HIPK2: variants seen among roughly 807,000 people sequenced by gnomAD.
The protein encoded by HIPK2 is homeodomain interacting protein kinase 2, also known as homeodomain-interacting protein kinase 2.
Under a neutral mutation model 113.7 loss-of-function variants are expected in HIPK2, and 27 were observed. The observed-to-expected ratio is 0.24, with a 90% confidence interval of 0.17 to 0.33. The LOEUF is 0.33. Among genes scored for constraint, HIPK2 ranks in the 10% least tolerant of loss-of-function variants. The probability of loss-of-function intolerance (pLI) is 1.00; values close to 1 mark genes in which losing one functional copy is unlikely to be tolerated. For synonymous variants in HIPK2, 631 were observed against 642.2 expected (o/e 0.98, Z 0.26); for missense variants, 1,257 against 1,588.0 (o/e 0.79, Z 3.54).
rs1294175263 is a variant in HIPK2, at chr7:139,604,095, C to T, written c.2241G>A (p.Gln747=). 1.2e-6 allele frequency: 2 copies of T among 1,613,940 alleles called. No individual in the cohort carries two copies. Among genetic ancestry groups the T allele is most frequent in the Admixed American group, 1.7e-5 (1 of 60,028 alleles). The change falls in exon 10 of 15, where the codon CAG becomes CAA. Residue 747 remains glutamine, a synonymous_variant. Transcript: ENST00000406875. ...TTCCTGCTTACCTCCAGTCCGCCAG[C>T]TGCTGGGTGCCTGCCATGGTCTCGG... ...VIPETMAGTQ[Q]LADWRNTHAH...
Position 139,596,699 on chromosome 7 carries a change from A to C in HIPK2, c.2717+18T>G, listed in dbSNP as rs748304530. 1.9e-6 allele frequency: 3 copies of C among 1,605,756 alleles called. No homozygotes were observed. In the African/African-American group the frequency reaches 4.0e-5, roughly 21 times the overall value. ...CCTCCCGGCTCCTTCCTGGAAGGCT[A>C]AGGTGGCACTGCCTCACCTGGTGGG... On this transcript the variant is annotated intron_variant, in intron 12 of 14. Coordinates refer to ENST00000406875, the MANE Select transcript of HIPK2 (RefSeq NM_022740.5).
rs535964584 is a variant in HIPK2, at chr7:139,621,307, G to A, written c.1620-744C>T. Among the ~76,000 whole-genome samples, 78 of 152,296 alleles carry A rather than the reference G, an allele frequency of 5.1e-4. 1 individual carries two copies. The highest frequency in any genetic ancestry group is 1.5e-3 in the African/African-American group (64 of 41,562). On this transcript the variant is annotated intron_variant, in intron 6 of 14. Transcript: ENST00000406875. ...GTTTGCCAAGGATAGGTAATCACTGGCTACCTTCGTGTATACACATACGTC... is the reference window on the plus strand; with the variant it reads ...GTTTGCCAAGGATAGGTAATCACTGACTACCTTCGTGTATACACATACGTC...
At chr7:139,762,891 A>C (rs145000088) in intron 1 of HIPK2, among the ~76,000 whole-genome samples, 4 of 152,316 alleles carry the variant, frequency 2.6e-5, no homozygotes, top group Non-Finnish European at 5.9e-5. Context: ...GAAAATTGTT[A>C]AGTGTCATGA....
chr7:139,592,322 A>C (rs1057022342), intron 12 of HIPK2, among the ~76,000 whole-genome samples: 1 of 152,256 alleles, frequency 6.6e-6, no homozygotes, highest in Non-Finnish European at 1.5e-5. Context: ...TAAGCAGAAC[A>C]ACCCACCTAC....
At chr7:139,662,589 C>T (rs201883140) in intron 2 of HIPK2, among the ~76,000 whole-genome samples, 1 of 151,416 alleles carries the variant, frequency 6.6e-6, no homozygotes, top group East Asian at 1.9e-4. Flanking sequence ...CTGTGTACGA[C>T]TGCCAGGCGA....
chr7:139,761,574 C>G (rs1051294159), intron 1 of HIPK2, among the ~76,000 whole-genome samples: 1 of 152,174 alleles, frequency 6.6e-6, no homozygotes, highest in East Asian at 1.9e-4. Context: ...AAGAAGCAAC[C>G]TCACACTCTA....
At chr7:139,592,174 CTG>C (rs1223003194) in intron 12 of HIPK2, among the ~76,000 whole-genome samples, 1 of 152,190 alleles carries the variant, frequency 6.6e-6, no homozygotes, top group Non-Finnish European at 1.5e-5. Context: ...AGCTAAGTAA[CTG>C]TTTTTATATC....
At chr7:139,637,901 C>T (rs1301993055) in intron 2 of HIPK2, among the ~76,000 whole-genome samples, 3 of 152,040 alleles carry the variant, frequency 2.0e-5, no homozygotes, top group Non-Finnish European at 2.9e-5. Flanking sequence ...ACGAGCAACC[C>T]GGCTCACACT....
At chr7:139,593,637 C>T (rs558652681) in intron 12 of HIPK2, among the ~76,000 whole-genome samples, 257 of 152,324 alleles carry the variant, frequency 1.7e-3, no homozygotes, top group African/African-American at 6.0e-3. Context: ...ACTCTGGCTG[C>T]CAAGCTGAGG....
intron 1 of HIPK2, among the ~76,000 whole-genome samples, chr7:139,772,815 C>T (rs1183106358): frequency 6.7e-6 from 1 of 149,906 alleles, no homozygotes; most frequent in African/African-American, 2.5e-5. Flanking sequence ...AGGTTGGTCT[C>T]GAACTCCTGA....
At chr7:139,642,533 C>T (rs926348134) in intron 2 of HIPK2, among the ~76,000 whole-genome samples, 2 of 152,178 alleles carry the variant, frequency 1.3e-5, no homozygotes, top group African/African-American at 4.8e-5. Context: ...GGCAGCCTCC[C>T]CACAGGATGA....
At position 139,567,593 on chromosome 7, in the gene HIPK2, G is replaced by A. The variant is rs975370449; in HGVS notation, c.*5334C>T. On this transcript the variant is annotated 3_prime_UTR_variant, in exon 15 of 15. Transcript: ENST00000406875. ...TTCCAATTTGGTAAGGACATCTCTG[G>A]CCTGCTCAAGTTTGAAGCTTCCCCA... 7 of 152,078 alleles carry A rather than the reference G, an allele frequency of 4.6e-5. No individual in the cohort carries two copies. In the East Asian group the frequency reaches 1.4e-3, roughly 29 times the overall value. 9.4% of individuals were successfully genotyped at this position (152,078 alleles called of 1,614,324 possible).
intron 1 of HIPK2, 23 bp from the exon 2 acceptor site, chr7:139,717,038 A>C: frequency 1.3e-6 from 2 of 1,593,926 alleles, no homozygotes; most frequent in Non-Finnish European, 8.6e-7. Flanking sequence ...GAAAACGAAA[A>C]GTAAGTATCG....
At chr7:139,735,745 C>T (rs1294738721) in intron 1 of HIPK2, among the ~76,000 whole-genome samples, 1 of 152,174 alleles carries the variant, frequency 6.6e-6, no homozygotes, top group Non-Finnish European at 1.5e-5. Context: ...GAGTGCACCC[C>T]AAGGCGAAGC....
intron 7 of HIPK2, among the ~76,000 whole-genome samples, chr7:139,620,095 G>A (rs1025749877): frequency 3.3e-5 from 5 of 152,026 alleles, no homozygotes; most frequent in African/African-American, 1.2e-4. Context: ...CACATATCAG[G>A]CATAAAAGGA....
intron 12 of HIPK2, among the ~76,000 whole-genome samples, chr7:139,588,178 CG>C (rs1798900038): frequency 6.6e-6 from 1 of 151,826 alleles, no homozygotes; most frequent in African/African-American, 2.4e-5. Flanking sequence ...ATTAGCCAGG[CG>C]TGGTGGTGTG....
In HIPK2 at chr7:139,683,373, CCTCATGAGGCTGCGATCAAGAT is replaced by C. The variant is rs538853281; in HGVS notation, c.1103+32537_1103+32558del. ...GCCTAGCCGGGTCTGGTGCAGGGTC[CCTCATGAGGCTGCGATCAAGAT>C]GTTTCCAAGCTCCCCAAGGCAGCTG... On this transcript the variant is annotated intron_variant, in intron 2 of 14. Transcript: ENST00000406875. The surrounding 1 kb of genome is among the most constrained non-coding windows in gnomAD (Gnocchi z 4.2). 9.5e-4 allele frequency among the ~76,000 whole-genome samples: 145 copies of C among 152,282 alleles called. No homozygotes were observed. The highest frequency in any genetic ancestry group is 3.2e-3 in the African/African-American group (134 of 41,566).
intron 2 of HIPK2, among the ~76,000 whole-genome samples, chr7:139,640,862 C>T (rs1029890588): frequency 2.6e-5 from 4 of 152,134 alleles, no homozygotes; most frequent in South Asian, 4.1e-4. Flanking sequence ...GCAATCCTTC[C>T]GCTTCAGCCT....
At chr7:139,706,377 C>A (rs1401082723) in intron 2 of HIPK2, among the ~76,000 whole-genome samples, 1 of 152,114 alleles carries the variant, frequency 6.6e-6, no homozygotes, top group Non-Finnish European at 1.5e-5. Flanking sequence ...AAAGTTCCTG[C>A]ATGAAAGATG....
Sources: gnomAD v4.1 joint callset for allele counts (sites outside exome capture counted in the v4.1 genomes callset) on GRCh38, gnomAD v4.1.1 for gene constraint, Gnocchi (gnomAD v3.1) non-coding constraint, MANE v1.5 for transcripts, NCBI Gene and HGNC (gene_info 2026-07-23, HGNC 2026-07-21) for gene names.